The following FGF12 variants were observed in gnomAD, a reference collection of about 807,000 sequenced individuals.
The protein encoded by FGF12 is fibroblast growth factor 12B.
FGF12 carries 14 observed loss-of-function variants against 23.6 expected under a neutral mutation model. The observed-to-expected ratio is 0.59, with a 90% CI of 0.39 to 0.93. The LOEUF (loss-of-function observed/expected upper bound fraction) is 0.93. Among genes scored for constraint, FGF12 ranks in the 40% least tolerant of loss-of-function variants. The pLI is 0.00. For missense variants in FGF12, 175 were observed against 217.8 expected, an observed-to-expected ratio of 0.80 and a Z score of 1.24; for synonymous variants, 62 against 77.3, an observed-to-expected ratio of 0.80 and a Z score of 1.04.
intron 2 of FGF12, among the ~76,000 whole-genome samples, chr3:192,508,074 T>C (rs1162425144): frequency 6.6e-6 from 1 of 152,220 alleles, no homozygotes; most frequent in Non-Finnish European, 1.5e-5. Context: ...CTAAGTTTTA[T>C]TTAAAGACCA....
At chr3:192,322,272 G>T (rs1048681813) in intron 4 of FGF12, among the ~76,000 whole-genome samples, 2 of 151,826 alleles carry the variant, frequency 1.3e-5, no homozygotes, top group African/African-American at 4.8e-5. Context: ...AGAAGTGAAA[G>T]AACTCTACAA....
chr3:192,456,342 T>C (rs1722680724), intron 2 of FGF12, among the ~76,000 whole-genome samples: 1 of 152,216 alleles, frequency 6.6e-6, no homozygotes, highest in Admixed American at 6.5e-5. Context: ...GCAGAGGTCA[T>C]CTGAGACTTA....
chr3:192,300,177 C>G (rs558237616), intron 4 of FGF12, among the ~76,000 whole-genome samples: 2 of 152,294 alleles, frequency 1.3e-5, no homozygotes, highest in African/African-American at 4.8e-5. Context: ...TACCAGGTGT[C>G]CTGGGTTGGA....
rs1027957076 is a variant in FGF12, at chr3:192,546,638, C to T, written c.13+180543G>A. Among the ~76,000 whole-genome samples, 15 of 152,196 alleles carry T rather than the reference C, an allele frequency of 9.9e-5. No homozygotes were observed. The East Asian group carries it at 2.7e-3, about 27-fold the overall frequency. On this transcript the variant is annotated intron_variant, in intron 2 of 5. Transcript: ENST00000445105. ...GAGGGCAGGAACTTTATCTGATTCACCAATGTATTTCTAGAGACCAGAACT... is the reference window on the plus strand; with the variant it reads ...GAGGGCAGGAACTTTATCTGATTCATCAATGTATTTCTAGAGACCAGAACT...
intron 4 of FGF12, among the ~76,000 whole-genome samples, chr3:192,219,615 T>C (rs1458647249): frequency 6.6e-6 from 1 of 152,172 alleles, no homozygotes; most frequent in Non-Finnish European, 1.5e-5. Context: ...AGTGGTTGAC[T>C]AACAGCACCA....
At chr3:192,506,662 G>A (rs1176232723) in intron 2 of FGF12, among the ~76,000 whole-genome samples, 3 of 152,186 alleles carry the variant, frequency 2.0e-5, no homozygotes, top group South Asian at 2.1e-4. Context: ...GTGAGCCACC[G>A]AGCCCGGCTA....
At chr3:192,269,214 T>C (rs567715440) in intron 4 of FGF12, among the ~76,000 whole-genome samples, 3 of 152,286 alleles carry the variant, frequency 2.0e-5, no homozygotes, top group South Asian at 2.1e-4. Flanking sequence ...GCTAACATAC[T>C]TGGCCCTACT....
At chr3:192,424,576 G>A (rs921921930) in intron 2 of FGF12, among the ~76,000 whole-genome samples, 1 of 152,052 alleles carries the variant, frequency 6.6e-6, no homozygotes, top group Non-Finnish European at 1.5e-5. Flanking sequence ...CACAAAACTT[G>A]CAACTCAGTG....
At chr3:192,376,089 G>A (rs1175031158) in intron 2 of FGF12, among the ~76,000 whole-genome samples, 2 of 152,102 alleles carry the variant, frequency 1.3e-5, no homozygotes, top group East Asian at 1.9e-4. Context: ...GATTATAGAT[G>A]ATCTGACATT....
At chr3:192,324,985 A>G (rs1560069932) in intron 4 of FGF12, among the ~76,000 whole-genome samples, 2 of 151,974 alleles carry the variant, frequency 1.3e-5, no homozygotes, top group Admixed American at 1.3e-4. Flanking sequence ...AAACTCTTAG[A>G]AAAAAAACCA....
intron 2 of FGF12, among the ~76,000 whole-genome samples, chr3:192,472,166 G>A (rs971228544): frequency 1.3e-5 from 2 of 152,126 alleles, no homozygotes; most frequent in South Asian, 2.1e-4. Flanking sequence ...ACAGGCGCCT[G>A]CCACCACGCC....
At chr3:192,411,195 G>C (rs1443045679) in intron 2 of FGF12, among the ~76,000 whole-genome samples, 1 of 152,144 alleles carries the variant, frequency 6.6e-6, no homozygotes, top group Non-Finnish European at 1.5e-5. Context: ...GATTCACTTG[G>C]GCAATAAGAA....
Position 192,598,868 on chromosome 3 carries a change from C to T in FGF12, c.13+128313G>A, listed in dbSNP as rs140450340. Among the ~76,000 whole-genome samples, 39 of 152,180 alleles carry T rather than the reference C, an allele frequency of 2.6e-4. No individual in the cohort carries two copies. In the East Asian group the frequency reaches 4.6e-3, roughly 18 times the overall value. On this transcript the variant is annotated intron_variant, in intron 2 of 5. Transcript: ENST00000445105. ...AGAAGACTTGGAACCAACCCAAATG[C>T]CCATCAATGATAGACTGGACAAAGA...
At chr3:192,539,334 AG>A (rs1560144002) in intron 2 of FGF12, among the ~76,000 whole-genome samples, 1 of 151,922 alleles carries the variant, frequency 6.6e-6, no homozygotes, top group African/African-American at 2.4e-5. Context: ...GATTTTTTTT[AG>A]GGTTTTTGTC....
chr3:192,454,617 G>C (rs1722624697), intron 2 of FGF12, among the ~76,000 whole-genome samples: 1 of 152,192 alleles, frequency 6.6e-6, no homozygotes. Context: ...GGTGCAAGGA[G>C]AGAAACACAG....
intron 2 of FGF12, among the ~76,000 whole-genome samples, chr3:192,606,588 G>A (rs1714347091): frequency 6.6e-6 from 1 of 151,996 alleles, no homozygotes; most frequent in Admixed American, 6.6e-5. Context: ...TGTTCACTAG[G>A]CACTATCTAA....
chr3:192,585,553 A>G (rs1369430727), intron 2 of FGF12, among the ~76,000 whole-genome samples: 5 of 152,254 alleles, frequency 3.3e-5, no homozygotes, highest in East Asian at 1.9e-4. Context: ...GCTGGTAGGT[A>G]TCTCACCAGC....
chr3:192,683,985 G>A lies in FGF12; in HGVS notation c.13+43196C>T, dbSNP rs192392687. Among the ~76,000 whole-genome samples, 246 of 152,248 alleles carry A rather than the reference G, an allele frequency of 1.6e-3. 2 individuals carry two copies. Among genetic ancestry groups the A allele is most frequent in the Admixed American group, 2.0e-3 (30 of 15,302 alleles). ...AAAGGTCAACTTAAGTTCCAGAGTC[G>A]TTCTCATCCTGTATGATGCTGTAAG... On this transcript the variant is annotated intron_variant, in intron 2 of 5. Transcript: ENST00000445105.
chr3:192,271,857 A>T (rs1399674588), intron 4 of FGF12, among the ~76,000 whole-genome samples: 1 of 152,210 alleles, frequency 6.6e-6, no homozygotes, highest in East Asian at 1.9e-4. Context: ...CTGTAAAAAG[A>T]AGTATCCCAA....
Sources: allele counts gnomAD v4.1 joint callset (sites outside exome capture counted in the v4.1 genomes callset), GRCh38; gene constraint gnomAD v4.1.1; transcripts MANE v1.5; gene names NCBI Gene and HGNC (gene_info 2026-07-23, HGNC 2026-07-21).